Variants in CCDC9B observed in about 807,000 individuals in gnomAD.
CCDC9B encodes coiled-coil domain-containing protein 9B.
CCDC9B carries 40 observed loss-of-function variants against 47.2 expected under a neutral mutation model. The ratio of observed to expected loss-of-function variants is 0.85; its 90% CI spans 0.66 to 1.10. CCDC9B has a LOEUF of 1.10. Ranked by LOEUF, CCDC9B falls within the 50% of genes least tolerant of loss-of-function variation. The pLI, the probability that CCDC9B is intolerant of heterozygous loss-of-function variation, is 0.00. For synonymous variants in CCDC9B, 238 were observed against 250.7 expected, an observed-to-expected ratio of 0.95 and a Z score of 0.48; for missense variants, 662 against 651.0, an observed-to-expected ratio of 1.02 and a Z score of -0.18.
Position 40,335,216 on chromosome 15 carries a change from C to G in CCDC9B, c.1415G>C (p.Arg472Thr). The change falls in exon 11 of 11, where the codon AGA becomes ACA. Residue 472 changes from arginine to threonine, a missense_variant. Physicochemically the swap from Arg to Thr is moderately conservative, Grantham distance 71. Transcript: ENST00000397536. ...RPTRGGSQRS[R>T]GTAGVRRRTG... is the part of the protein sequence containing the mutation. ...CCTGCGCCTCACACCTGCTGTGCCT[C>G]TCGACCTTTGGCTGCCTCCTCTCGT... is the stretch of plus-strand genomic sequence containing the variant. The G allele has an allele frequency of 6.4e-7, 1 of 1,573,712 alleles. No homozygotes were observed. The highest frequency in any genetic ancestry group is 8.6e-7 in the Non-Finnish European group (1 of 1,157,940).
chr15:40,335,540 A>G lies in CCDC9B; in HGVS notation c.1091T>C (p.Val364Ala), dbSNP rs746375413. Residue 364 changes from valine to alanine, a missense_variant, in exon 11 of 11, where the codon GTC (valine) becomes GCC (alanine). Physicochemically the swap from Val to Ala is moderately conservative, Grantham distance 64. Coordinates refer to ENST00000397536, the MANE Select transcript of CCDC9B (RefSeq NM_207380.3). ...GESVASTASS[V>A]PCSPQEPDLA... ...GTCAGGCTCCTGTGGAGAGCAGGGG[A>G]CTGAGCTGGCTGTGGAAGCCACTGA... 6.6e-7 allele frequency: 1 copy of G among 1,522,118 alleles called. No homozygotes were observed. The highest frequency in any genetic ancestry group is 2.3e-5 in the East Asian group (1 of 42,972). The allele number at this position is 1,522,118 out of a possible 1,614,324, so 94.3% of individuals were successfully genotyped here.
intron 7 of CCDC9B, 133 bp downstream of exon 7, chr15:40,337,255 G>C (rs1566907816): frequency 1.2e-6 from 1 of 849,540 alleles, no homozygotes; most frequent in Admixed American, 2.0e-5. Context: ...GTGAGGGAGA[G>C]GAAGGAAGAT....
In CCDC9B at chr15:40,335,430, C is replaced by T. The variant is rs754760184; in HGVS notation, c.1201G>A (p.Ala401Thr). 6.2e-7 allele frequency: 1 copy of T among 1,611,556 alleles called. No individual in the cohort carries two copies. The highest frequency in any genetic ancestry group is 1.3e-5 in the African/African-American group (1 of 74,994). Residue 401 changes from alanine (A) to threonine (T), a missense_variant, in exon 11 of 11, where the codon GCC (alanine) becomes ACC (threonine). Coordinates refer to ENST00000397536, the MANE Select transcript of CCDC9B (RefSeq NM_207380.3). ...SGCVLGLRPGAQESPVSWPEG... is the reference protein window; with the variant it reads ...SGCVLGLRPGTQESPVSWPEG... ...GGCCAAGACACAGGGCTCTCCTGGG[C>T]CCCAGGCCTCAGACCGAGCACACAC...
rs201255231 is a variant in CCDC9B, at chr15:40,338,560, G to A, written c.488C>T (p.Ala163Val). The A allele has an allele frequency of 5.6e-5, 91 of 1,614,082 alleles. No homozygotes were observed. The African/African-American group carries it at 1.0e-3, about 18-fold the overall frequency. Reference protein sequence around the residue: ...RVTRSPPTQVAISSDSARKGS... With the variant: ...RVTRSPPTQVVISSDSARKGS... ...CTTCCGTGCAGAATCTGAGCTGATGGCCACCTGCGTGGGGGGGCTTCGGGT... is the reference window on the plus strand; with the variant it reads ...CTTCCGTGCAGAATCTGAGCTGATGACCACCTGCGTGGGGGGGCTTCGGGT... The change falls in exon 5 of 11, where the codon GCC becomes GTC. Residue 163 changes from alanine (A) to valine (V), a missense_variant. Ala to Val is a moderately conservative substitution (Grantham distance 64). Coordinates refer to ENST00000397536, the MANE Select transcript of CCDC9B (RefSeq NM_207380.3).
Position 40,335,481 on chromosome 15 carries a change from C to T in CCDC9B, c.1150G>A (p.Gly384Ser). 11 of 1,592,158 alleles carry T rather than the reference C, an allele frequency of 6.9e-6. No individual in the cohort carries two copies. Among genetic ancestry groups the T allele is most frequent in the Non-Finnish European group, 9.4e-6 (11 of 1,167,902 alleles). ...APLDLSLGGA[G>S]IPGPRESGCV... ...CCGCTCTCCCTGGGCCCAGGGATGC[C>T]AGCCCCTCCTAGGGAGAGGTCAAGA... Residue 384 changes from glycine to serine, a missense_variant, in exon 11 of 11, where the codon GGC (glycine) becomes AGC (serine). Transcript: ENST00000397536.
rs552699693 is a variant in CCDC9B, at chr15:40,338,162, A to G, written c.514-269T>C. ...CCACAGGGGTGTTGCAGGGGTATGC[A>G]GACGGGCCGGAGTGGGAGGGGCCCT... On this transcript the variant is annotated intron_variant, in intron 5 of 10. Coordinates refer to ENST00000397536, the MANE Select transcript of CCDC9B (RefSeq NM_207380.3). 5.6e-6 allele frequency: 4 copies of G among 720,226 alleles called. No individual in the cohort carries two copies. In the Admixed American group the frequency reaches 8.0e-5, roughly 14 times the overall value. The allele number at this position is 720,226 out of a possible 1,614,324, so 44.6% of individuals were successfully genotyped here. A position where few individuals can be genotyped will look rare whatever the true frequency, so the allele number is the denominator to read the frequency against.
chr15:40,338,663 G>T lies in CCDC9B; in HGVS notation c.388-3C>A. On this transcript the variant is annotated splice_region_variant and splice_polypyrimidine_tract_variant and intron_variant, in intron 4 of 10. Transcript: ENST00000397536. ...TTTTCACTTACAATCCGTTTGCCCT[G>T]GGGAGGATGAAGATGGGCAGTGCAG... 6.2e-7 allele frequency: 1 copy of T among 1,614,012 alleles called. No homozygotes were observed. Among genetic ancestry groups the T allele is most frequent in the Non-Finnish European group, 8.5e-7 (1 of 1,179,964 alleles).
In CCDC9B at chr15:40,339,755, C is replaced by G. The variant is rs930961529; in HGVS notation, c.124-136G>C. 8.9e-6 allele frequency: 13 copies of G among 1,461,372 alleles called. No individual in the cohort carries two copies. In the African/African-American group the frequency reaches 1.4e-4, roughly 16 times the overall value. 90.5% of individuals were successfully genotyped at this position (1,461,372 alleles called of 1,614,324 possible). The stretch of plus-strand genomic sequence containing the variant: ...CGCCACATCACACATCCCCAGGACC[C>G]TCACCAAGCCTCTAAGAGGGACCAT... On this transcript the variant is annotated intron_variant, in intron 2 of 10. Coordinates refer to ENST00000397536, the MANE Select transcript of CCDC9B (RefSeq NM_207380.3).
At position 40,339,923 on chromosome 15, in the gene CCDC9B, G is replaced by T. The variant is rs761385679; in HGVS notation, c.105C>A (p.Ala35=). 6.2e-7 allele frequency: 1 copy of T among 1,613,422 alleles called. No individual in the cohort carries two copies. Among genetic ancestry groups the T allele is most frequent in the Non-Finnish European group, 8.5e-7 (1 of 1,179,500 alleles). Residue 35 remains alanine (A), a synonymous_variant, in exon 2 of 11, where the codon GCC becomes GCA. Transcript: ENST00000397536. ...RIVALRKKNQ[A]LLRRYQEIQE... ...CACTCACCTGGTACCTGCGGAGCAA[G>T]GCCTGGTTCTTCTTGCGCAGGGCAA...
chr15:40,337,128 A>T (rs1888979013), intron 7 of CCDC9B: 1 of 629,372 alleles, frequency 1.6e-6, no homozygotes, highest in African/African-American at 1.8e-5. Context: ...TAGGGACCTC[A>T]AAGAGACCCC....
intron 3 of CCDC9B, 107 bp from the exon 4 acceptor site, chr15:40,339,010 G>T: frequency 8.0e-7 from 1 of 1,248,640 alleles, no homozygotes; most frequent in South Asian, 1.2e-5. Flanking sequence ...AGCCCTCCCT[G>T]CATTCCCCAC....
chr15:40,337,301 A>T lies in CCDC9B; in HGVS notation c.742+87T>A, dbSNP rs765171203. The stretch of plus-strand genomic sequence containing the variant: ...GCTTCCTTTCAGCTCTGAAAATAAG[A>T]GACTAAGAGACAGAGAAAAGAGAGG... On this transcript the variant is annotated intron_variant, in intron 7 of 10. Transcript: ENST00000397536. The T allele has an allele frequency of 2.1e-5, 26 of 1,224,906 alleles. No individual in the cohort carries two copies. The East Asian group carries it at 5.8e-4, about 27-fold the overall frequency. 75.9% of individuals were successfully genotyped at this position (1,224,906 alleles called of 1,614,324 possible). A position where few individuals can be genotyped will look rare whatever the true frequency, so the allele number is the denominator to read the frequency against.
In CCDC9B at chr15:40,337,869, G is replaced by A; in HGVS notation, c.538C>T (p.Pro180Ser). Residue 180 changes from proline (P) to serine (S), a missense_variant, in exon 6 of 11, where the codon CCG becomes TCG. Coordinates refer to ENST00000397536, the MANE Select transcript of CCDC9B (RefSeq NM_207380.3). ...RKGSWEPWSR[P>S]VGEPPEAGWD... ...CCCGCCTCCGGGGGCTCCCCCACCG[G>A]CCGGCTCCAGGGCTCCCAAGAACCC... The A allele has an allele frequency of 6.2e-7, 1 of 1,602,612 alleles. No homozygotes were observed.
chr15:40,339,791 C>T, intron 2 of CCDC9B, 114 bp downstream of exon 2: 1 of 1,395,524 alleles, frequency 7.2e-7, no homozygotes, highest in Admixed American at 1.8e-5. Context: ...GCCCACCCTA[C>T]CCCTGGCCCC....
Position 40,340,870 on chromosome 15 carries a change from G to T in CCDC9B, c.-51C>A, listed in dbSNP as rs763854136. The T allele has an allele frequency of 6.2e-6, 10 of 1,609,066 alleles. No homozygotes were observed. The African/African-American group carries it at 1.1e-4, about 17-fold the overall frequency. On this transcript the variant is annotated 5_prime_UTR_variant, in exon 1 of 11. Transcript: ENST00000397536. The stretch of plus-strand genomic sequence containing the variant: ...CCAGAGCAGCCCCTGGGGAGCCAGA[G>T]TGGGAGGAAAGCTGGAGCCACCGGA...
Position 40,336,759 on chromosome 15 carries a change from C to T in CCDC9B, c.796+1G>A. 1 of 1,600,006 alleles carries T rather than the reference C, an allele frequency of 6.2e-7. No individual in the cohort carries two copies. Among genetic ancestry groups the T allele is most frequent in the Non-Finnish European group, 8.5e-7 (1 of 1,173,582 alleles). ...CTGGCCCCTCCTCCTCCCCAACTCA[C>T]CTTTTCCATCAGGGAGCAATGGTGG... On this transcript the variant is annotated splice_donor_variant, in intron 8 of 10. Coordinates refer to ENST00000397536, the MANE Select transcript of CCDC9B (RefSeq NM_207380.3). LOFTEE classifies it high-confidence loss of function.
At chr15:40,336,940 C>T (rs560261691) in intron 7 of CCDC9B, 127 bp from the exon 8 acceptor site, 14 of 874,800 alleles carry the variant, frequency 1.6e-5, no homozygotes, top group South Asian at 1.2e-4. Flanking sequence ...TCCCCAAAAG[C>T]GCCCTCGCCT....
In CCDC9B at chr15:40,335,671, A is replaced by G; in HGVS notation, c.960T>C (p.Ser320=). Residue 320 remains serine, a synonymous_variant, in exon 11 of 11, where the codon AGT becomes AGC. Coordinates refer to ENST00000397536, the MANE Select transcript of CCDC9B (RefSeq NM_207380.3). The part of the protein sequence containing the change: ...EGSQSTRETP[S]EEEQAQKQSG... The stretch of plus-strand genomic sequence containing the variant: ...TCTGCTTCTGGGCTTGCTCCTCCTC[A>G]CTGGGAGTCTCTCTGGTGCTTTGGC... 6.5e-7 allele frequency: 1 copy of G among 1,548,686 alleles called. No homozygotes were observed. Among genetic ancestry groups the G allele is most frequent in the African/African-American group, 1.4e-5 (1 of 73,378 alleles).
chr15:40,338,116 G>A (rs972280466), intron 5 of CCDC9B: 1 of 726,382 alleles, frequency 1.4e-6, no homozygotes, highest in East Asian at 2.7e-5. Context: ...GTAAAATGGG[G>A]AGGATCTCCG....
Sources: allele counts gnomAD v4.1 joint callset, GRCh38; gene constraint gnomAD v4.1.1; transcripts MANE v1.5; gene names NCBI Gene and HGNC (gene_info 2026-07-23, HGNC 2026-07-21).